The following MATCAP1 variants were observed in gnomAD, a reference collection of about 807,000 sequenced individuals.
MATCAP1 encodes microtubule associated tyrosine carboxypeptidase 1.
At chr16:67,178,176 A>G in the MATCAP1 span, 1 of 1,217,190 alleles carries the variant, frequency 8.2e-7, no homozygotes, top group East Asian at 6.2e-5. Flanking sequence ...GGCTCTAGGC[A>G]CCTCCCCCGC....
At chr16:67,180,422 C>G in the MATCAP1 span, 1 of 1,611,728 alleles carries the variant, frequency 6.2e-7, no homozygotes, top group South Asian at 1.1e-5. Context: ...AGAACGGCTG[C>G]TGCTCAGGCT....
the MATCAP1 span, chr16:67,176,944 G>A: frequency 1.4e-5 from 23 of 1,590,454 alleles, no homozygotes; most frequent in Non-Finnish European, 2.0e-5. This position sits in a 1 kb window ranked among gnomAD's most constrained non-coding sequence, Gnocchi z 4.3. Flanking sequence ...CACCCCATGG[G>A]GCCGCAGGTG....
At chr16:67,176,996 T>A in the MATCAP1 span, 1 of 1,531,614 alleles carries the variant, frequency 6.5e-7, no homozygotes, top group Non-Finnish European at 8.8e-7. This position sits in a 1 kb window ranked among gnomAD's most constrained non-coding sequence, Gnocchi z 4.3. Flanking sequence ...AAGCCGGGCA[T>A]CAGGCATAGG....
chr16:67,181,324 C>T, the MATCAP1 span, among the ~76,000 whole-genome samples: 4 of 152,322 alleles, frequency 2.6e-5, no homozygotes, highest in South Asian at 6.2e-4. Flanking sequence ...TTTGAGGGCC[C>T]CATGCTTACG....
At chr16:67,178,592 G>T in the MATCAP1 span, 1 of 1,204,482 alleles carries the variant, frequency 8.3e-7, no homozygotes, top group Non-Finnish European at 1.2e-6. Context: ...CCATCTGGCC[G>T]GGGCTCTGGC....
chr16:67,180,711 G>A, the MATCAP1 span: 2 of 767,432 alleles, frequency 2.6e-6, no homozygotes, highest in Non-Finnish European at 3.9e-6. Flanking sequence ...GAGTGGGTGT[G>A]ACCAAACGAC....
chr16:67,183,617 G>A, the MATCAP1 span: 1 of 152,590 alleles, frequency 6.6e-6, no homozygotes, highest in African/African-American at 2.4e-5. Context: ...GGGGTCTAGT[G>A]ACAAATGAGA....
At chr16:67,179,579 T>C in the MATCAP1 span, 1 of 1,605,774 alleles carries the variant, frequency 6.2e-7, no homozygotes, top group Non-Finnish European at 8.5e-7. This position sits in a 1 kb window ranked among gnomAD's most constrained non-coding sequence, Gnocchi z 5.2. Flanking sequence ...GTGGCAGTGC[T>C]CTGAGCCATG....
At chr16:67,178,334 A>G in the MATCAP1 span, 1 of 1,580,800 alleles carries the variant, frequency 6.3e-7, no homozygotes, top group East Asian at 2.3e-5. Flanking sequence ...TGGATGGTGT[A>G]GTAGAGCAGT....
chr16:67,177,999 C>T, the MATCAP1 span: 1 of 1,611,514 alleles, frequency 6.2e-7, no homozygotes. Context: ...TGAAGGTCCA[C>T]AGCCCCTCAC....
chr16:67,178,375 A>T, the MATCAP1 span: 2 of 1,559,526 alleles, frequency 1.3e-6, no homozygotes, highest in African/African-American at 2.7e-5. Flanking sequence ...CTGCTTGCGG[A>T]ACAGCACGCT....
At chr16:67,178,525 G>A in the MATCAP1 span, 2 of 1,513,726 alleles carry the variant, frequency 1.3e-6, no homozygotes, top group Non-Finnish European at 1.8e-6. Flanking sequence ...GGCGAGGGGA[G>A]GCGGCGCTGG....
chr16:67,177,341 C>A, the MATCAP1 span, among the ~76,000 whole-genome samples: 1 of 152,328 alleles, frequency 6.6e-6, no homozygotes, highest in Admixed American at 6.5e-5. Context: ...CCAGCTCCAC[C>A]CTCTTTACAG....
the MATCAP1 span, chr16:67,176,775 C>CT: frequency 6.7e-7 from 1 of 1,498,074 alleles, no homozygotes; most frequent in Non-Finnish European, 8.9e-7. This position sits in a 1 kb window ranked among gnomAD's most constrained non-coding sequence, Gnocchi z 4.3. Context: ...TCTGGAGCTT[C>CT]TGTCCAGGGC....
At chr16:67,177,539 C>T in the MATCAP1 span, among the ~76,000 whole-genome samples, 3 of 152,218 alleles carry the variant, frequency 2.0e-5, no homozygotes, top group East Asian at 1.9e-4. Context: ...AGGCCTCCTC[C>T]GTGCCCCTGC....
At chr16:67,177,126 C>G in the MATCAP1 span, 3 of 573,550 alleles carry the variant, frequency 5.2e-6, no homozygotes, top group East Asian at 1.0e-4. Context: ...TTTTATACCT[C>G]TAGACTCAAT....
At chr16:67,178,603 C>G in the MATCAP1 span, 3 of 1,039,788 alleles carry the variant, frequency 2.9e-6, no homozygotes, top group South Asian at 2.7e-5. Context: ...GGGCTCTGGC[C>G]GCGACACTTC....
chr16:67,176,352 G>A, the MATCAP1 span: 1 of 155,200 alleles, frequency 6.4e-6, no homozygotes, highest in South Asian at 2.0e-4. The surrounding 1 kb of genome is among the most constrained non-coding windows in gnomAD (Gnocchi z 4.3). Flanking sequence ...ATCACCCCAG[G>A]AGAAGGGAGC....
At chr16:67,183,754 A>T in the MATCAP1 span, 1 of 160,460 alleles carries the variant, frequency 6.2e-6, no homozygotes, top group African/African-American at 2.4e-5. Context: ...GGGCGTGCCC[A>T]ATGGAGGGTG....
Sources: gnomAD v4.1 joint callset for allele counts (sites outside exome capture counted in the v4.1 genomes callset) on GRCh38, gnomAD v4.1.1 for gene constraint, Gnocchi (gnomAD v3.1) non-coding constraint, MANE v1.5 for transcripts, NCBI Gene and HGNC (gene_info 2026-07-23, HGNC 2026-07-21) for gene names.